The following OTC variants were observed in gnomAD, a reference collection of about 807,000 sequenced individuals.
The protein encoded by OTC is ornithine transcarbamylase, also known as ornithine transcarbamylase, mitochondrial.
A neutral mutation model predicts 30.3 loss-of-function variants in OTC; 3 were observed. The ratio of observed to expected loss-of-function variants is 0.10; its 90% CI spans 0.05 to 0.26. The LOEUF is 0.26. Ranked by LOEUF, OTC falls within the 10% of genes least tolerant of loss-of-function variation. The pLI, the probability that OTC is intolerant of heterozygous loss-of-function variation, is 1.00. For missense variants in OTC, 194 were observed against 260.3 expected, an observed-to-expected ratio of 0.75 and a Z score of 1.75; for synonymous variants, 111 against 99.7, an observed-to-expected ratio of 1.11 and a Z score of -0.67.
At chrX:38,377,883 G>A (rs1370896052) in intron 3 of OTC, among the ~76,000 whole-genome samples, 1 of 110,320 alleles carries the variant, frequency 9.1e-6, no homozygotes, top group Non-Finnish European at 1.9e-5. Flanking sequence ...TCTCGCCCTG[G>A]CTGCAGTGCA....
chrX:38,397,518 A>C (rs2068463631), intron 4 of OTC, among the ~76,000 whole-genome samples: 1 of 112,261 alleles, frequency 8.9e-6, no homozygotes, highest in African/African-American at 3.2e-5. Flanking sequence ...GATGTTTACA[A>C]GTGTCAAGTG....
Position 38,366,072 on chromosome X carries a change from G to A in OTC, c.78-1219G>A, listed in dbSNP as rs183600551. Among the ~76,000 whole-genome samples, 374 of 111,706 alleles carry A rather than the reference G, an allele frequency of 3.3e-3. 3 individuals carry two copies. Among genetic ancestry groups the A allele is most frequent in the African/African-American group, 0.011 (350 of 30,752 alleles). ...CAAGAGAGTCAGGTGTTGGAGACACGTGCACCAATGCTAGATTGCTAGAGC... is the reference window on the plus strand; with the variant it reads ...CAAGAGAGTCAGGTGTTGGAGACACATGCACCAATGCTAGATTGCTAGAGC... On this transcript the variant is annotated intron_variant, in intron 1 of 9. Coordinates refer to ENST00000039007, the MANE Select transcript of OTC (RefSeq NM_000531.6).
Position 38,367,438 on chromosome X carries a change from C to T in OTC, c.216+9C>T, listed in dbSNP as rs774764719. On this transcript the variant is annotated intron_variant, in intron 2 of 9. Transcript: ENST00000039007. The stretch of plus-strand genomic sequence containing the variant: ...TAAAACAGAAAGGAGAGGTATGTAA[C>T]ATTTTCTTTTTACGTTCCATTACTA... 30 of 1,194,224 alleles carry T rather than the reference C, an allele frequency of 2.5e-5. No individual in the cohort carries two copies. In the Middle Eastern group the frequency reaches 2.3e-3, roughly 92 times the overall value.
At chrX:38,359,635 G>T (rs1239796088) in intron 1 of OTC, among the ~76,000 whole-genome samples, 1 of 110,530 alleles carries the variant, frequency 9.0e-6, no homozygotes, top group Non-Finnish European at 1.9e-5. Flanking sequence ...TGGTCAGGCT[G>T]GTCTCGAACT....
intron 2 of OTC, among the ~76,000 whole-genome samples, chrX:38,368,338 C>A (rs147480563): frequency 2.0e-3 from 227 of 111,347 alleles, no homozygotes; most frequent in Non-Finnish European, 3.8e-3. Flanking sequence ...CCAGCCTGGG[C>A]AATAAGAGTG....
intron 1 of OTC, among the ~76,000 whole-genome samples, chrX:38,362,499 TAA>T (rs995213056): frequency 1.8e-5 from 2 of 111,834 alleles, no homozygotes; most frequent in African/African-American, 6.5e-5. Context: ...AATATTGAAA[TAA>T]AGTTTCTGTT....
chrX:38,348,325 C>T (rs1395952800), upstream of OTC, among the ~76,000 whole-genome samples: 1 of 111,814 alleles, frequency 8.9e-6, no homozygotes, highest in Admixed American at 9.5e-5. Context: ...CAAATAATGA[C>T]ATATGTCTTC....
chrX:38,406,372 T>C (rs751159339), intron 6 of OTC, among the ~76,000 whole-genome samples: 3 of 112,302 alleles, frequency 2.7e-5, no homozygotes, highest in Non-Finnish European at 3.8e-5. Flanking sequence ...AAACTATCAA[T>C]AGTAATGATT....
At chrX:38,343,415 G>A in the OTC span, among the ~76,000 whole-genome samples, 1 of 112,245 alleles carries the variant, frequency 8.9e-6, no homozygotes, top group Non-Finnish European at 1.9e-5. Flanking sequence ...GCCTATGGGA[G>A]AAGAGATAGC....
At chrX:38,373,582 AT>A (rs1399876690) in intron 3 of OTC, 6 of 112,792 alleles carry the variant, frequency 5.3e-5, no homozygotes, top group African/African-American at 1.9e-4. Flanking sequence ...TAACATTGGT[AT>A]TTCACTTTCA....
intron 1 of OTC, among the ~76,000 whole-genome samples, chrX:38,356,145 G>A (rs2068240372): frequency 9.1e-6 from 1 of 110,179 alleles, no homozygotes; most frequent in Admixed American, 9.7e-5. Flanking sequence ...GTTTTCCTTG[G>A]CCAACAGTGG....
At chrX:38,388,869 C>T (rs2068417918) in intron 4 of OTC, among the ~76,000 whole-genome samples, 1 of 111,955 alleles carries the variant, frequency 8.9e-6, no homozygotes, top group Non-Finnish European at 1.9e-5. Flanking sequence ...GAATGTAGAC[C>T]ACTATATTAG....
intron 4 of OTC, among the ~76,000 whole-genome samples, chrX:38,384,367 C>A (rs1396906566): frequency 9.0e-6 from 1 of 111,656 alleles, no homozygotes; most frequent in Admixed American, 9.5e-5. Flanking sequence ...ATCTGACTTT[C>A]TTTTGTGTAC....
At chrX:38,422,421 T>C (rs2068600308), downstream of OTC, among the ~76,000 whole-genome samples, 1 of 111,498 alleles carries the variant, frequency 9.0e-6, no homozygotes, top group Admixed American at 9.5e-5. Context: ...CAGCAGAGAG[T>C]AGAACAAGGT....
the OTC span, among the ~76,000 whole-genome samples, chrX:38,330,803 G>A: frequency 8.9e-6 from 1 of 111,828 alleles, no homozygotes; most frequent in Non-Finnish European, 1.9e-5. Context: ...TTGCAATGAG[G>A]CCACATGACC....
At chrX:38,403,526 T>G in intron 5 of OTC, 92 bp from the exon 6 acceptor site, 18 of 989,679 alleles carry the variant, frequency 1.8e-5, no homozygotes, top group Non-Finnish European at 2.6e-5. Context: ...GCACTAATAC[T>G]GAGATTAAGA....
chrX:38,364,248 A>T (rs1024349688), intron 1 of OTC, among the ~76,000 whole-genome samples: 1 of 112,247 alleles, frequency 8.9e-6, no homozygotes, highest in Non-Finnish European at 1.9e-5. Flanking sequence ...CAGCACATAT[A>T]AACAAATAAA....
chrX:38,335,310 G>A, the OTC span, among the ~76,000 whole-genome samples: 1 of 112,509 alleles, frequency 8.9e-6, no homozygotes, highest in Non-Finnish European at 1.9e-5. Context: ...TAAATGATAT[G>A]ATGTGTACAA....
At chrX:38,375,569 T>C (rs1460455994) in intron 3 of OTC, among the ~76,000 whole-genome samples, 2 of 111,249 alleles carry the variant, frequency 1.8e-5, no homozygotes, top group African/African-American at 6.5e-5. Flanking sequence ...TACTGATGTA[T>C]TGGGTAAGAG....
Sources: gnomAD v4.1 joint callset for allele counts (sites outside exome capture counted in the v4.1 genomes callset) on GRCh38, gnomAD v4.1.1 for gene constraint, MANE v1.5 for transcripts, NCBI Gene and HGNC (gene_info 2026-07-23, HGNC 2026-07-21) for gene names.